PRKACB: variants seen among roughly 807,000 people sequenced by gnomAD.
The protein encoded by PRKACB is protein kinase cAMP-activated catalytic subunit beta, also known as cAMP-dependent protein kinase catalytic subunit beta.
A neutral mutation model predicts 51.4 loss-of-function variants in PRKACB; 16 were observed. That is an observed-to-expected ratio of 0.31 (90% confidence interval 0.21 to 0.47). PRKACB has a LOEUF of 0.47. Ranked by LOEUF, PRKACB falls within the 20% of genes least tolerant of loss-of-function variation. The pLI, the probability that PRKACB is intolerant of heterozygous loss-of-function variation, is 1.00. For missense variants in PRKACB, 309 were observed against 464.5 expected (o/e 0.67, Z 3.08); for synonymous variants, 147 against 154.4 (o/e 0.95, Z 0.35).
At chr1:84,177,333 C>G (rs980173068) in intron 1 of PRKACB, among the ~76,000 whole-genome samples, 2 of 152,018 alleles carry the variant, frequency 1.3e-5, no homozygotes, top group African/African-American at 4.8e-5. Flanking sequence ...GCAGATATGT[C>G]TGCTCCATGC....
chr1:84,090,476 C>T (rs1280190579), intron 1 of PRKACB, among the ~76,000 whole-genome samples: 3 of 152,178 alleles, frequency 2.0e-5, no homozygotes, highest in Non-Finnish European at 2.9e-5. Context: ...CAGCTATGCA[C>T]TCTATATGAC....
intron 1 of PRKACB, among the ~76,000 whole-genome samples, chr1:84,123,677 CT>C (rs1651286572): frequency 6.6e-6 from 1 of 152,096 alleles, no homozygotes; most frequent in African/African-American, 2.4e-5. Flanking sequence ...TTGCAGCACA[CT>C]TAACCTCTTT....
chr1:84,161,029 C>T (rs1391836485), intron 1 of PRKACB, among the ~76,000 whole-genome samples: 4 of 151,842 alleles, frequency 2.6e-5, no homozygotes, highest in African/African-American at 9.6e-5. Flanking sequence ...TTTCCAATTT[C>T]CTGTCTAGTT....
At chr1:84,229,966 G>T (rs527796042) in intron 9 of PRKACB, among the ~76,000 whole-genome samples, 1 of 150,292 alleles carries the variant, frequency 6.7e-6, no homozygotes, top group Non-Finnish European at 1.5e-5. Flanking sequence ...TTTGGCTTTT[G>T]TTGCCATTGC....
chr1:84,181,019 G>A (rs1663253390), intron 2 of PRKACB, among the ~76,000 whole-genome samples: 1 of 151,908 alleles, frequency 6.6e-6, no homozygotes, highest in Admixed American at 6.6e-5. Context: ...AGCTTTCTGT[G>A]TTGATAAAAA....
chr1:84,189,495 T>C (rs1572233148), intron 5 of PRKACB, among the ~76,000 whole-genome samples: 1 of 144,772 alleles, frequency 6.9e-6, no homozygotes, highest in Non-Finnish European at 1.5e-5. Flanking sequence ...AGGAAAAAGG[T>C]TGAAGGAGGG....
chr1:84,096,710 T>C (rs1320025861), intron 1 of PRKACB, among the ~76,000 whole-genome samples: 1 of 152,160 alleles, frequency 6.6e-6, no homozygotes, highest in African/African-American at 2.4e-5. Context: ...TATCACTTTA[T>C]TGAAGCAGAA....
chr1:84,112,436 C>G (rs1016974345), intron 1 of PRKACB, among the ~76,000 whole-genome samples: 7 of 151,830 alleles, frequency 4.6e-5, no homozygotes, highest in African/African-American at 1.7e-4. Context: ...GGGATTTCAC[C>G]ATGTTGGCCA....
chr1:84,210,963 A>T lies in PRKACB; in HGVS notation c.907-3190A>T, dbSNP rs187205412. 5.7e-3 allele frequency among the ~76,000 whole-genome samples: 875 copies of T among 152,282 alleles called. 4 individuals are homozygous for T. The highest frequency in any genetic ancestry group is 8.2e-3 in the Non-Finnish European group (561 of 68,016). Reference sequence around the variant, plus strand: ...TCCCCCAAAATACTTTAAATATGTGATGGATTCCCATTATTAACATGAACC... The same window carrying T: ...TCCCCCAAAATACTTTAAATATGTGTTGGATTCCCATTATTAACATGAACC... On this transcript the variant is annotated intron_variant, in intron 8 of 9. Transcript: ENST00000370685.
intron 9 of PRKACB, among the ~76,000 whole-genome samples, chr1:84,229,775 G>C (rs1271854477): frequency 6.6e-6 from 1 of 151,310 alleles, no homozygotes; most frequent in Non-Finnish European, 1.5e-5. Flanking sequence ...TTTTTGATGG[G>C]GTTGTTTATT....
At chr1:84,171,060 T>TA (rs1285719496) in intron 1 of PRKACB, among the ~76,000 whole-genome samples, 6 of 151,548 alleles carry the variant, frequency 4.0e-5, no homozygotes, top group African/African-American at 1.5e-4. Flanking sequence ...TAAAAAGCTT[T>TA]AAAAAAATCA....
At chr1:84,174,982 T>C in intron 1 of PRKACB, 3 of 1,417,460 alleles carry the variant, frequency 2.1e-6, no homozygotes, top group Non-Finnish European at 2.8e-6. Flanking sequence ...TTCATGCTAA[T>C]ATGTTATTCA....
intron 9 of PRKACB, among the ~76,000 whole-genome samples, chr1:84,227,256 C>A (rs1572564860): frequency 6.6e-6 from 1 of 152,066 alleles, no homozygotes; most frequent in Non-Finnish European, 1.5e-5. Context: ...CAGACTAATT[C>A]TTGGGTATTG....
intron 9 of PRKACB, among the ~76,000 whole-genome samples, chr1:84,222,670 G>A (rs985424305): frequency 1.8e-4 from 27 of 152,134 alleles, no homozygotes; most frequent in African/African-American, 5.6e-4. Flanking sequence ...ACTACCTTAA[G>A]CATTTCCTGT....
intron 1 of PRKACB, among the ~76,000 whole-genome samples, chr1:84,162,408 A>G (rs1470888834): frequency 1.3e-5 from 2 of 151,702 alleles, no homozygotes; most frequent in Admixed American, 1.3e-4. Context: ...TTTTTTTCTA[A>G]TTCCCATGAG....
intron 1 of PRKACB, among the ~76,000 whole-genome samples, chr1:84,116,530 G>T (rs1650646033): frequency 6.6e-6 from 1 of 152,024 alleles, no homozygotes; most frequent in African/African-American, 2.4e-5. Flanking sequence ...TTTAAATGCA[G>T]AGCTCTTTCA....
At chr1:84,226,511 G>C (rs1674634927) in intron 9 of PRKACB, among the ~76,000 whole-genome samples, 1 of 151,996 alleles carries the variant, frequency 6.6e-6, no homozygotes, top group Non-Finnish European at 1.5e-5. Context: ...TATTATTAAT[G>C]TGTTTGCTTT....
At chr1:84,090,929 C>T (rs977314650) in intron 1 of PRKACB, among the ~76,000 whole-genome samples, 1 of 152,150 alleles carries the variant, frequency 6.6e-6, no homozygotes, top group Non-Finnish European at 1.5e-5. Flanking sequence ...TACTTTGGAT[C>T]CCAACCCCTC....
chr1:84,085,327 C>A (rs1647879076), intron 1 of PRKACB, among the ~76,000 whole-genome samples: 1 of 152,050 alleles, frequency 6.6e-6, no homozygotes, highest in Non-Finnish European at 1.5e-5. Flanking sequence ...GTAGTAAAAT[C>A]ATAAACTTGA....
Sources: allele counts gnomAD v4.1 joint callset (sites outside exome capture counted in the v4.1 genomes callset), GRCh38; gene constraint gnomAD v4.1.1; transcripts MANE v1.5; gene names NCBI Gene and HGNC (gene_info 2026-07-23, HGNC 2026-07-21).